Variants in PUDP observed in about 807,000 individuals in gnomAD.
PUDP encodes pseudouridine 5'-phosphatase.
In PUDP, 8 loss-of-function variants were observed where a neutral mutation model predicts 9.4. The ratio of observed to expected loss-of-function variants is 0.85; its 90% CI spans 0.50 to 1.53. The LOEUF (loss-of-function observed/expected upper bound fraction) is 1.53, where lower values mean the gene tolerates loss of function less well. Ranked by LOEUF, PUDP falls within the 40% of genes most tolerant of loss-of-function variation. The probability of loss-of-function intolerance (pLI) is 0.00; values close to 1 mark genes in which losing one functional copy is unlikely to be tolerated. For missense variants in PUDP, 188 were observed against 189.7 expected (o/e 0.99, Z 0.05); for synonymous variants, 99 against 80.7 (o/e 1.23, Z -1.22).
At chrX:7,130,855 T>C (rs1005540843) in intron 1 of PUDP, among the ~76,000 whole-genome samples, 7 of 111,623 alleles carry the variant, frequency 6.3e-5, no homozygotes, top group Admixed American at 2.9e-4. Flanking sequence ...CATTGCATTC[T>C]AGCCTGGACA....
intron 3 of PUDP, among the ~76,000 whole-genome samples, chrX:6,873,085 T>G (rs1383664228): frequency 1.8e-5 from 2 of 111,820 alleles, no homozygotes; most frequent in Admixed American, 1.9e-4. Flanking sequence ...TCCCTCCATG[T>G]GCCTCAGGAA....
intron 1 of PUDP, among the ~76,000 whole-genome samples, chrX:7,121,636 C>A (rs1440325726): frequency 9.0e-6 from 1 of 111,101 alleles, no homozygotes; most frequent in Non-Finnish European, 1.9e-5. Context: ...CAAGGAGGCT[C>A]CCAGAGAGAA....
intron 1 of PUDP, among the ~76,000 whole-genome samples, chrX:7,022,487 A>G (rs1929646765): frequency 1.8e-5 from 2 of 111,488 alleles, no homozygotes; most frequent in Non-Finnish European, 3.8e-5. Flanking sequence ...CTCATTTTTA[A>G]TCACAAAGCG....
At chrX:6,723,068 T>C (rs1471661375), upstream of PUDP, among the ~76,000 whole-genome samples, 7 of 110,413 alleles carry the variant, frequency 6.3e-5, no homozygotes, top group Non-Finnish European at 1.3e-4. Flanking sequence ...CAAAAAAAGC[T>C]CATAAATAAC....
intron 1 of PUDP, among the ~76,000 whole-genome samples, chrX:7,121,887 G>A (rs1310493850): frequency 8.9e-6 from 1 of 112,150 alleles, no homozygotes; most frequent in Admixed American, 9.4e-5. Flanking sequence ...TAGATATTGG[G>A]GTTAAAGAAT....
At chrX:7,067,677 A>G (rs1930605156) in intron 3 of PUDP, among the ~76,000 whole-genome samples, 1 of 111,968 alleles carries the variant, frequency 8.9e-6, no homozygotes, top group African/African-American at 3.3e-5. Context: ...GGGTTTGTGA[A>G]ATAACAGTAC....
chrX:7,108,893 C>T (rs1486513443), intron 1 of PUDP, among the ~76,000 whole-genome samples: 1 of 111,879 alleles, frequency 8.9e-6, no homozygotes, highest in Non-Finnish European at 1.9e-5. Context: ...ACACACCAAA[C>T]AAACCTCAGA....
At chrX:6,772,104 C>A (rs1925372997) in intron 3 of PUDP, among the ~76,000 whole-genome samples, 1 of 112,042 alleles carries the variant, frequency 8.9e-6, no homozygotes, top group Non-Finnish European at 1.9e-5. Context: ...ACGTTTGGGG[C>A]AATGCCTTGT....
chrX:6,845,055 C>A (rs7472363), intron 3 of PUDP, among the ~76,000 whole-genome samples: 1 of 112,353 alleles, frequency 8.9e-6, no homozygotes, highest in African/African-American at 3.2e-5. Flanking sequence ...TTTACTTAGT[C>A]TACTGATTCA....
At chrX:6,980,022 C>T (rs890030831) in intron 1 of PUDP, among the ~76,000 whole-genome samples, 24 of 110,567 alleles carry the variant, frequency 2.2e-4, no homozygotes, top group Non-Finnish European at 4.0e-4. Context: ...AGATCATGAG[C>T]ATAGTACCCG....
chrX:6,752,178 G>C (rs1048001377), intron 3 of PUDP, among the ~76,000 whole-genome samples: 3 of 111,486 alleles, frequency 2.7e-5, no homozygotes, highest in African/African-American at 9.8e-5. Flanking sequence ...TCTCTCCTTT[G>C]GCCTCTGACA....
At position 7,012,779 on chromosome X, in the gene PUDP, T is replaced by C. The variant is rs186752282; in HGVS notation, c.205-34436A>G. 1.7e-3 allele frequency among the ~76,000 whole-genome samples: 184 copies of C among 111,293 alleles called. 1 individual carries two copies. The highest frequency in any genetic ancestry group is 5.8e-3 in the African/African-American group (176 of 30,499). On this transcript the variant is annotated intron_variant and NMD_transcript_variant, in intron 1 of 3. Transcript: ENST00000655425. ...TCTCTGCAAATGGGTTGCTCCTGGATGTATAGAGTTATTCTACAGGAGTCC... is the reference window on the plus strand; with the variant it reads ...TCTCTGCAAATGGGTTGCTCCTGGACGTATAGAGTTATTCTACAGGAGTCC...
intron 1 of PUDP, among the ~76,000 whole-genome samples, chrX:7,109,982 C>G (rs1931993215): frequency 1.8e-5 from 2 of 112,158 alleles, no homozygotes; most frequent in African/African-American, 3.2e-5. Flanking sequence ...CACTCCCCTC[C>G]TCCCAGCTGG....
chrX:7,020,897 T>C (rs1440532562), intron 1 of PUDP, among the ~76,000 whole-genome samples: 3 of 112,459 alleles, frequency 2.7e-5, no homozygotes, highest in Admixed American at 9.4e-5. Context: ...CTATTAGCAA[T>C]TGGATGTGGG....
intron 3 of PUDP, among the ~76,000 whole-genome samples, chrX:6,791,555 G>A (rs781724784): frequency 4.0e-4 from 45 of 111,386 alleles, no homozygotes; most frequent in African/African-American, 1.4e-3. Context: ...TAAAGTAGAA[G>A]AGGGAGACGG....
chrX:7,120,371 A>G (rs773146870), intron 1 of PUDP, among the ~76,000 whole-genome samples: 19 of 111,106 alleles, frequency 1.7e-4, no homozygotes, highest in Non-Finnish European at 2.6e-4. Flanking sequence ...GTCAGAGCCC[A>G]GGAATGGCGG....
chrX:7,099,545 G>A (rs1162542091), intron 2 of PUDP, among the ~76,000 whole-genome samples: 1 of 112,308 alleles, frequency 8.9e-6, no homozygotes, highest in African/African-American at 3.2e-5. Flanking sequence ...TGAGGACATC[G>A]TAGGCCCACC....
At chrX:7,044,825 G>A (rs1291737310), downstream of PUDP, among the ~76,000 whole-genome samples, 1 of 112,845 alleles carries the variant, frequency 8.9e-6, no homozygotes. Flanking sequence ...TTTCCTGTGA[G>A]TTTTCCCTAT....
chrX:7,052,802 C>T (rs748622986), intron 3 of PUDP, among the ~76,000 whole-genome samples: 25 of 111,395 alleles, frequency 2.2e-4, no homozygotes, highest in African/African-American at 8.2e-4. Flanking sequence ...ACACCCTGGA[C>T]AGTCCCAGGC....
Sources: gnomAD v4.1 joint callset for allele counts (sites outside exome capture counted in the v4.1 genomes callset) on GRCh38, gnomAD v4.1.1 for gene constraint, MANE v1.5 for transcripts, NCBI Gene and HGNC (gene_info 2026-07-23, HGNC 2026-07-21) for gene names.